The following PSD3 variants were observed in gnomAD, a reference collection of about 807,000 sequenced individuals.
PSD3 encodes pleckstrin and Sec7 domain containing 3.
A neutral mutation model predicts 105.5 loss-of-function variants in PSD3; 49 were observed. The observed-to-expected ratio is 0.46, with a 90% confidence interval of 0.37 to 0.59. PSD3 has a LOEUF of 0.59. Among genes scored for constraint, PSD3 ranks in the 20% least tolerant of loss-of-function variants. The pLI is 0.00. For synonymous variants in PSD3, 557 were observed against 457.8 expected (o/e 1.22, Z -2.77); for missense variants, 1,561 against 1,263.8 (o/e 1.24, Z -3.57).
At chr8:18,609,989 G>A (rs1339839365) in intron 11 of PSD3, among the ~76,000 whole-genome samples, 1 of 152,082 alleles carries the variant, frequency 6.6e-6, no homozygotes, top group African/African-American at 2.4e-5. Flanking sequence ...AATTATCCCT[G>A]GTTTATAGCA....
At chr8:18,806,678 TA>T (rs1043401169) in intron 4 of PSD3, among the ~76,000 whole-genome samples, 2 of 152,194 alleles carry the variant, frequency 1.3e-5, no homozygotes, top group Admixed American at 6.5e-5. Flanking sequence ...GTTACAACCT[TA>T]AAAAACCTAA....
chr8:18,720,371 G>C (rs1802884982), intron 9 of PSD3, among the ~76,000 whole-genome samples: 1 of 152,080 alleles, frequency 6.6e-6, no homozygotes, highest in Admixed American at 6.5e-5. Context: ...TCTTTGGATT[G>C]ACAACACATT....
intron 14 of PSD3, among the ~76,000 whole-genome samples, chr8:18,556,653 T>C (rs1398031686): frequency 2.0e-5 from 3 of 152,238 alleles, no homozygotes; most frequent in Admixed American, 2.0e-4. Context: ...CCTTAAGAGA[T>C]GCCCTGACAG....
At chr8:18,954,742 T>C (rs965402732) in intron 1 of PSD3, among the ~76,000 whole-genome samples, 2 of 152,304 alleles carry the variant, frequency 1.3e-5, no homozygotes, top group East Asian at 3.9e-4. Flanking sequence ...CCAAATATTC[T>C]GTTTTCGCAG....
chr8:18,698,509 GA>G (rs1171027800), intron 9 of PSD3, among the ~76,000 whole-genome samples: 1 of 152,114 alleles, frequency 6.6e-6, no homozygotes, highest in Non-Finnish European at 1.5e-5. Context: ...TGAAGGTGGA[GA>G]AAGGGGGTCA....
chr8:18,793,194 G>T (rs1809888884), intron 8 of PSD3, among the ~76,000 whole-genome samples: 1 of 152,014 alleles, frequency 6.6e-6, no homozygotes, highest in African/African-American at 2.4e-5. Context: ...AGGGAGGAGG[G>T]ATAGCATTAG....
chr8:18,571,326 T>G (rs1373486066), intron 14 of PSD3, among the ~76,000 whole-genome samples: 2 of 151,814 alleles, frequency 1.3e-5, no homozygotes, highest in African/African-American at 2.4e-5. Flanking sequence ...TTGTGTGTGG[T>G]TCCTGCATCC....
chr8:18,974,390 T>G (rs1824814459), intron 1 of PSD3, among the ~76,000 whole-genome samples: 1 of 76,286 alleles, frequency 1.3e-5, no homozygotes, highest in Admixed American at 1.7e-4. Context: ...TCTGATAGAC[T>G]TCAAAATCCT....
chr8:18,917,542 C>T (rs905105950), intron 2 of PSD3, among the ~76,000 whole-genome samples: 4 of 152,170 alleles, frequency 2.6e-5, no homozygotes, highest in Non-Finnish European at 4.4e-5. Flanking sequence ...TCAAATAACA[C>T]TGTTTTGTTA....
intron 1 of PSD3, among the ~76,000 whole-genome samples, chr8:18,986,935 C>T (rs1825529431): frequency 6.6e-6 from 1 of 152,106 alleles, no homozygotes; most frequent in African/African-American, 2.4e-5. Flanking sequence ...CTTAGTGTTC[C>T]ATTAATGGAA....
chr8:18,765,843 C>G (rs1806940828), intron 8 of PSD3, among the ~76,000 whole-genome samples: 1 of 152,006 alleles, frequency 6.6e-6, no homozygotes. Context: ...TGGCATGCAC[C>G]TGTAGTCTCA....
At chr8:18,932,376 A>G (rs746108629) in intron 2 of PSD3, among the ~76,000 whole-genome samples, 2 of 152,220 alleles carry the variant, frequency 1.3e-5, no homozygotes, top group Non-Finnish European at 2.9e-5. Flanking sequence ...TTACAGTCAG[A>G]GAGTTTCAAA....
At position 18,769,550 on chromosome 8, in the gene PSD3, G is replaced by C. The variant is rs1399055402; in HGVS notation, c.2083-4012C>G. The stretch of plus-strand genomic sequence containing the variant: ...TAATTCAGTGATTTTTAATAAAGGT[G>C]TGCAATCACCACCACTATCTACATT... On this transcript the variant is annotated intron_variant, in intron 8 of 15. Coordinates refer to ENST00000327040, the MANE Select transcript of PSD3 (RefSeq NM_015310.4). 3.9e-5 allele frequency among the ~76,000 whole-genome samples: 6 copies of C among 152,070 alleles called. No individual in the cohort carries two copies. In the East Asian group the frequency reaches 9.7e-4, roughly 24 times the overall value.
intron 1 of PSD3, among the ~76,000 whole-genome samples, chr8:18,955,049 T>G (rs59787157): frequency 6.6e-6 from 1 of 152,088 alleles, no homozygotes; most frequent in Non-Finnish European, 1.5e-5. Context: ...GTTGTGGCAG[T>G]AGCAAATCAC....
At chr8:18,713,017 G>C (rs1802348943) in intron 9 of PSD3, among the ~76,000 whole-genome samples, 1 of 152,120 alleles carries the variant, frequency 6.6e-6, no homozygotes, top group African/African-American at 2.4e-5. Context: ...CACATACACA[G>C]AACTCCAGAC....
chr8:18,721,604 G>A (rs1187070011), intron 9 of PSD3, among the ~76,000 whole-genome samples: 1 of 152,222 alleles, frequency 6.6e-6, no homozygotes, highest in East Asian at 1.9e-4. Context: ...ATGAAGCTGT[G>A]TAACAACAAG....
rs147578679 is a variant in PSD3, at chr8:19,048,297, G to A, written c.324+35909C>T. On this transcript the variant is annotated intron_variant, in intron 1 of 1. Transcript: ENST00000521475. ...AGAGTCCTGGCCGACATATCAACTC[G>A]GTGGTTAAGAGCACCTAAAGATGTT... Among the ~76,000 whole-genome samples, 20 of 152,282 alleles carry A rather than the reference G, an allele frequency of 1.3e-4. No homozygotes were observed. The East Asian group carries it at 1.4e-3, about 10-fold the overall frequency.
intron 1 of PSD3, among the ~76,000 whole-genome samples, chr8:18,974,843 T>G (rs1824842105): frequency 6.6e-6 from 1 of 152,088 alleles, no homozygotes; most frequent in African/African-American, 2.4e-5. Context: ...TACAGCCTGG[T>G]ATTTCCTTGC....
intron 8 of PSD3, among the ~76,000 whole-genome samples, chr8:18,769,675 T>C (rs1160833300): frequency 6.6e-6 from 1 of 152,176 alleles, no homozygotes; most frequent in Non-Finnish European, 1.5e-5. Context: ...AGCACAAATC[T>C]GCATTTTCTT....
Sources: allele counts gnomAD v4.1 joint callset (sites outside exome capture counted in the v4.1 genomes callset), GRCh38; gene constraint gnomAD v4.1.1; transcripts MANE v1.5; gene names NCBI Gene and HGNC (gene_info 2026-07-23, HGNC 2026-07-21).